LEMD1: variants seen among roughly 807,000 people sequenced by gnomAD.
The protein encoded by LEMD1 is LEM domain-containing protein 1.
In LEMD1, 18 loss-of-function variants were observed where a neutral mutation model predicts 17.4. That is an observed-to-expected ratio of 1.04 (90% CI 0.72 to 1.54). The LOEUF (loss-of-function observed/expected upper bound fraction) is 1.54, where lower values mean the gene tolerates loss of function less well. LEMD1 is among the 40% of genes most tolerant of loss of function. The probability of loss-of-function intolerance (pLI) is 0.00; values close to 1 mark genes in which losing one functional copy is unlikely to be tolerated. For synonymous variants in LEMD1, 88 were observed against 77.8 expected, an observed-to-expected ratio of 1.13 and a Z score of -0.69; for missense variants, 195 against 210.4, an observed-to-expected ratio of 0.93 and a Z score of 0.45.
At chr1:205,410,700 G>A (rs1665348200) in intron 4 of LEMD1, among the ~76,000 whole-genome samples, 1 of 151,966 alleles carries the variant, frequency 6.6e-6, no homozygotes, top group Non-Finnish European at 1.5e-5. Flanking sequence ...GGGGTGGGGT[G>A]GAGACTGAAT....
At chr1:205,385,153 A>C (rs941221603) in intron 4 of LEMD1, 17 of 151,674 alleles carry the variant, frequency 1.1e-4, no homozygotes, top group Non-Finnish European at 1.6e-4. Context: ...CACTCAGATC[A>C]CTCTTCTATG....
At chr1:205,407,614 C>T (rs1203090932) in intron 4 of LEMD1, among the ~76,000 whole-genome samples, 1 of 152,172 alleles carries the variant, frequency 6.6e-6, no homozygotes, top group Non-Finnish European at 1.5e-5. Context: ...TTGGCTGTTT[C>T]TGAGCTGTAT....
In LEMD1 at chr1:205,448,746, G is replaced by A. The variant is rs548990380; in HGVS notation, c.-39+1122C>T. Among the ~76,000 whole-genome samples the A allele has an allele frequency of 3.3e-5, 5 of 152,228 alleles. No homozygotes were observed. The South Asian group carries it at 6.2e-4, about 19-fold the overall frequency. Reference sequence around the variant, plus strand: ...TACCCCTTCCCTAGAGAATAAGGCCGGATCTTTTCAAGGCTGCTGCTGCCA... The same window carrying A: ...TACCCCTTCCCTAGAGAATAAGGCCAGATCTTTTCAAGGCTGCTGCTGCCA... On this transcript the variant is annotated intron_variant, in intron 1 of 3. Coordinates refer to the LEMD1 transcript ENST00000367154. The surrounding 1 kb of genome is among the most constrained non-coding windows in gnomAD (Gnocchi z 4.7).
upstream of LEMD1, among the ~76,000 whole-genome samples, chr1:205,424,134 G>A (rs977143612): frequency 4.6e-5 from 7 of 152,290 alleles, no homozygotes; most frequent in South Asian, 8.3e-4. Context: ...TAGTAGATTT[G>A]CAGTTGCAAT....
chr1:205,403,051 C>T (rs1664923648), intron 4 of LEMD1, among the ~76,000 whole-genome samples: 3 of 151,908 alleles, frequency 2.0e-5, no homozygotes, highest in East Asian at 1.9e-4. Context: ...GGGATGAAGC[C>T]CACTTGATCA....
In LEMD1 at chr1:205,420,576, T is replaced by C; in HGVS notation, c.-38-2A>G. ...GGCCTCTTTTCTGATGGTAGAATCC[T>C]TGAAATAACAAAACATTAAATTCAT... On this transcript the variant is annotated splice_acceptor_variant, in intron 1 of 5. Coordinates refer to ENST00000367153, the MANE Select transcript of LEMD1 (RefSeq NM_001199050.2). LOFTEE classifies it low-confidence loss of function (5UTR_SPLICE). The C allele has an allele frequency of 1.4e-6, 2 of 1,430,020 alleles. No homozygotes were observed. The highest frequency in any genetic ancestry group is 2.3e-5 in the East Asian group (1 of 44,056). 88.6% of individuals were successfully genotyped at this position (1,430,020 alleles called of 1,614,324 possible). A position where few individuals can be genotyped will look rare whatever the true frequency, so the allele number is the denominator to read the frequency against.
At chr1:205,415,870 C>T (rs1024461284) in intron 4 of LEMD1, among the ~76,000 whole-genome samples, 2 of 152,068 alleles carry the variant, frequency 1.3e-5, no homozygotes, top group African/African-American at 2.4e-5. Context: ...GAAAAGCGAA[C>T]GGGATGGAAA....
At position 205,441,853 on chromosome 1, in the gene LEMD1, G is replaced by A. The variant is rs1189661260; in HGVS notation, c.-39+8015C>T. 2.0e-5 allele frequency among the ~76,000 whole-genome samples: 3 copies of A among 152,192 alleles called. No individual in the cohort carries two copies. The highest frequency in any genetic ancestry group is 4.4e-5 in the Non-Finnish European group (3 of 68,030). Reference sequence around the variant, plus strand: ...GCTGAGGCTGGATCTGCCCCAGCTGGACACGCTGTCCCCCACCTCTGGCTG... The same window carrying A: ...GCTGAGGCTGGATCTGCCCCAGCTGAACACGCTGTCCCCCACCTCTGGCTG... On this transcript the variant is annotated intron_variant, in intron 1 of 3. Coordinates refer to the LEMD1 transcript ENST00000367154. The surrounding 1 kb of genome is among the most constrained non-coding windows in gnomAD (Gnocchi z 4.3).
chr1:205,448,489 G>C lies in LEMD1; in HGVS notation c.-39+1379C>G, dbSNP rs1297072067. 2 of 476,554 alleles carry C rather than the reference G, an allele frequency of 4.2e-6. No homozygotes were observed. Among genetic ancestry groups the C allele is most frequent in the African/African-American group, 4.0e-5 (2 of 49,898 alleles). 29.5% of individuals were successfully genotyped at this position (476,554 alleles called of 1,614,324 possible). Reference sequence around the variant, plus strand: ...CCCCTTCTCAGCACCCCCGACCCCAGACCCACCCACACTGCCTCCCTCCAG... The same window carrying C: ...CCCCTTCTCAGCACCCCCGACCCCACACCCACCCACACTGCCTCCCTCCAG... On this transcript the variant is annotated intron_variant, in intron 1 of 3. Transcript: ENST00000367154. This position sits in a 1 kb window ranked among gnomAD's most constrained non-coding sequence, Gnocchi z 4.7.
In LEMD1 at chr1:205,383,030, C is replaced by T. The variant is rs183424028; in HGVS notation, c.348-1174G>A. ...ATTTGAACTACTTACTCTTTTTATT[C>T]GTTTTTAAAAATTGATACATAATAG... On this transcript the variant is annotated intron_variant, in intron 5 of 5. Transcript: ENST00000367153. 5.6e-4 allele frequency among the ~76,000 whole-genome samples: 85 copies of T among 152,198 alleles called. No individual in the cohort carries two copies. The East Asian group carries it at 5.6e-3, about 10-fold the overall frequency.
chr1:205,420,371 T>C, intron 2 of LEMD1, 84 bp downstream of exon 2: 2 of 1,030,070 alleles, frequency 1.9e-6, no homozygotes, highest in South Asian at 1.3e-5. Context: ...TTTTAATGGC[T>C]TTACTGCATA....
intron 4 of LEMD1, among the ~76,000 whole-genome samples, chr1:205,410,952 A>G (rs1012211619): frequency 6.6e-6 from 1 of 150,798 alleles, no homozygotes; most frequent in African/African-American, 2.4e-5. Flanking sequence ...AGGGAAAGGA[A>G]GAAATAGAGA....
chr1:205,435,096 C>T (rs187724109), intron 1 of LEMD1: 1 of 152,276 alleles, frequency 6.6e-6, no homozygotes, highest in Non-Finnish European at 1.5e-5. Flanking sequence ...CGAGGAAGAA[C>T]CTCAGTGCAG....
upstream of LEMD1, among the ~76,000 whole-genome samples, chr1:205,425,558 C>G (rs1017622365): frequency 6.6e-6 from 1 of 152,178 alleles, no homozygotes; most frequent in Non-Finnish European, 1.5e-5. Context: ...TACTGAGCAC[C>G]TACTACGTAC....
chr1:205,397,814 G>C (rs907978222), intron 4 of LEMD1, among the ~76,000 whole-genome samples: 2 of 152,100 alleles, frequency 1.3e-5, no homozygotes, highest in Admixed American at 1.3e-4. Flanking sequence ...TGTATTCTTA[G>C]ATGAAAAAGA....
rs1666300518 is a variant in LEMD1 at position 205,441,994 on chromosome 1, G to A, written c.-39+7874C>T. On this transcript the variant is annotated intron_variant, in intron 1 of 3. Transcript: ENST00000367154. This position sits in a 1 kb window ranked among gnomAD's most constrained non-coding sequence, Gnocchi z 4.3. Reference sequence around the variant, plus strand: ...CTGCAAGAGTATCCCTTTCTCCAAAGGCTCATTTAGGTTTCCCTAGCCTTA... The same window carrying A: ...CTGCAAGAGTATCCCTTTCTCCAAAAGCTCATTTAGGTTTCCCTAGCCTTA... Among the ~76,000 whole-genome samples the A allele has an allele frequency of 6.6e-6, 1 of 152,184 alleles. No individual in the cohort carries two copies. The highest frequency in any genetic ancestry group is 1.5e-5 in the Non-Finnish European group (1 of 68,036).
intron 4 of LEMD1, among the ~76,000 whole-genome samples, chr1:205,411,483 G>A (rs1476428942): frequency 6.6e-6 from 1 of 151,196 alleles, no homozygotes; most frequent in South Asian, 2.1e-4. Context: ...GTGAACCCGG[G>A]AGGCGGAGCT....
At chr1:205,390,245 C>T (rs1301289017) in intron 4 of LEMD1, among the ~76,000 whole-genome samples, 2 of 151,982 alleles carry the variant, frequency 1.3e-5, no homozygotes, top group African/African-American at 4.8e-5. Flanking sequence ...ATCTCAGCTA[C>T]TTGGGAGGCT....
At chr1:205,440,569 T>G (rs1373041076) in intron 1 of LEMD1, 1 of 152,278 alleles carries the variant, frequency 6.6e-6, no homozygotes, top group Non-Finnish European at 1.5e-5. Context: ...CCTCATGCGG[T>G]TACCCTGAGA....
Sources: allele counts gnomAD v4.1 joint callset (sites outside exome capture counted in the v4.1 genomes callset), GRCh38; gene constraint gnomAD v4.1.1; non-coding constraint Gnocchi (gnomAD v3.1); transcripts MANE v1.5; gene names NCBI Gene and HGNC (gene_info 2026-07-23, HGNC 2026-07-21).